The following TTC7B variants were observed in gnomAD, a reference collection of about 807,000 sequenced individuals.
TTC7B encodes the protein tetratricopeptide repeat protein 7B.
In TTC7B, 28 loss-of-function variants were observed where a neutral mutation model predicts 106.8. The ratio of observed to expected loss-of-function variants is 0.26; its 90% CI spans 0.19 to 0.36. TTC7B has a LOEUF of 0.36. Among genes scored for constraint, TTC7B ranks in the 10% least tolerant of loss-of-function variants. TTC7B has a pLI of 1.00. For synonymous variants in TTC7B, 405 were observed against 430.6 expected, an observed-to-expected ratio of 0.94 and a Z score of 0.74; for missense variants, 862 against 1,076.4, an observed-to-expected ratio of 0.80 and a Z score of 2.79.
At chr14:90,549,857 A>G (rs774699599) in intron 19 of TTC7B, among the ~76,000 whole-genome samples, 3 of 152,230 alleles carry the variant, frequency 2.0e-5, no homozygotes, top group Non-Finnish European at 2.9e-5. Context: ...GGCACTTAGC[A>G]GATCGCCCAG....
In TTC7B at chr14:90,806,530, G is replaced by A. The variant is rs115075870; in HGVS notation, c.121+9645C>T. Among the ~76,000 whole-genome samples the A allele has an allele frequency of 5.8e-3, 890 of 152,274 alleles. 15 individuals are homozygous for A. Among genetic ancestry groups the A allele is most frequent in the African/African-American group, 0.02 (831 of 41,562 alleles). ...TCCTACTTCCACACACAAGACTCCT[G>A]ACTCAGTCAGGCTGCTTTCAAATAA... On this transcript the variant is annotated intron_variant, in intron 1 of 19. Coordinates refer to ENST00000328459, the MANE Select transcript of TTC7B (RefSeq NM_001010854.2).
At position 90,541,402 on chromosome 14, in the gene TTC7B, G is replaced by A; in HGVS notation, c.2498C>T (p.Ala833Val). ...GCGGGGGATGATGGTGAAGGGCACG[G>A]CGGGGCTGCTGGCCTCCAGCTCCAA... ...TALELEASSP[A>V]VPFTIIPRVL Residue 833 changes from alanine to valine, a missense_variant, in exon 20 of 20, where the codon GCC becomes GTC. By Grantham distance (64) the Ala-to-Val change is moderately conservative. Coordinates refer to ENST00000328459, the MANE Select transcript of TTC7B (RefSeq NM_001010854.2). The A allele has an allele frequency of 6.2e-7, 1 of 1,610,002 alleles. No homozygotes were observed. Among genetic ancestry groups the A allele is most frequent in the Non-Finnish European group, 8.5e-7 (1 of 1,178,226 alleles).
rs1892843394 is a variant in TTC7B at position 90,610,856 on chromosome 14, C to G, written c.1869-17G>C. On this transcript the variant is annotated splice_polypyrimidine_tract_variant and intron_variant, in intron 16 of 19. Coordinates refer to ENST00000328459, the MANE Select transcript of TTC7B (RefSeq NM_001010854.2). ...CCAGAATCACTGCAAAACACAGCTA[C>G]AAATGTCAGTCACCTGCAAGGTGGG... 6.3e-7 allele frequency: 1 copy of G among 1,591,264 alleles called. No individual in the cohort carries two copies. The highest frequency in any genetic ancestry group is 1.7e-4 in the Middle Eastern group (1 of 6,018).
intron 19 of TTC7B, 136 bp from the exon 20 acceptor site, chr14:90,541,725 T>C: frequency 3.3e-6 from 2 of 600,354 alleles, no homozygotes; most frequent in Admixed American, 3.4e-5. Flanking sequence ...CATAGTAAGT[T>C]CTCCAGTATT....
rs1886029896 is a variant in TTC7B at position 90,658,193 on chromosome 14, T to C, written c.1236+111A>G. On this transcript the variant is annotated intron_variant, in intron 10 of 19. Coordinates refer to ENST00000328459, the MANE Select transcript of TTC7B (RefSeq NM_001010854.2). ...AACGGACCACGATAGTTTCTCAGAGTGGCTCGAAAGACTTCCACAAAGTCT... is the reference window on the plus strand; with the variant it reads ...AACGGACCACGATAGTTTCTCAGAGCGGCTCGAAAGACTTCCACAAAGTCT... The C allele has an allele frequency of 1.8e-5, 16 of 887,240 alleles. No individual in the cohort carries two copies. In the South Asian group the frequency reaches 2.3e-4, roughly 13 times the overall value. The allele number at this position is 887,240 out of a possible 1,614,324, so 55.0% of individuals were successfully genotyped here.
At chr14:90,723,559 C>A (rs776954631) in intron 5 of TTC7B, among the ~76,000 whole-genome samples, 1 of 152,130 alleles carries the variant, frequency 6.6e-6, no homozygotes, top group Non-Finnish European at 1.5e-5. Flanking sequence ...GGGTCAAGAC[C>A]TCTGCACATT....
chr14:90,605,936 A>G (rs146209279), intron 17 of TTC7B, among the ~76,000 whole-genome samples: 1 of 152,258 alleles, frequency 6.6e-6, no homozygotes, highest in African/African-American at 2.4e-5. Context: ...AAGAAAACAA[A>G]TTTGTTTTTC....
rs1432498363 is a variant in TTC7B, at chr14:90,805,315, G to A, written c.121+10860C>T. On this transcript the variant is annotated intron_variant, in intron 1 of 19. Coordinates refer to ENST00000328459, the MANE Select transcript of TTC7B (RefSeq NM_001010854.2). This position sits in a 1 kb window ranked among gnomAD's most constrained non-coding sequence, Gnocchi z 4.0. ...CTGTCACCCAGGGTAGTGTGCAGTG[G>A]CGCGATCTCGGCTCACTGCAACCTC... Among the ~76,000 whole-genome samples, 1 of 152,194 alleles carries A rather than the reference G, an allele frequency of 6.6e-6. No individual in the cohort carries two copies. The highest frequency in any genetic ancestry group is 1.5e-5 in the Non-Finnish European group (1 of 68,036).
intron 19 of TTC7B, among the ~76,000 whole-genome samples, chr14:90,553,471 T>C (rs188257055): frequency 1.3e-5 from 2 of 152,326 alleles, no homozygotes; most frequent in African/African-American, 4.8e-5. Flanking sequence ...CTGTCCCTCA[T>C]GGGCAGCACC....
At position 90,805,104 on chromosome 14, in the gene TTC7B, G is replaced by A. The variant is rs2030527816; in HGVS notation, c.121+11071C>T. 6.6e-6 allele frequency among the ~76,000 whole-genome samples: 1 copy of A among 152,058 alleles called. No individual in the cohort carries two copies. Among genetic ancestry groups the A allele is most frequent in the South Asian group, 2.1e-4 (1 of 4,800 alleles). On this transcript the variant is annotated intron_variant, in intron 1 of 19. Transcript: ENST00000328459. This position sits in a 1 kb window ranked among gnomAD's most constrained non-coding sequence, Gnocchi z 4.0. ...GTCTTCGGCGTGGGACCAGGTCTCGGGTGGACGCCCACAGCCACTCCCAGT... is the reference window on the plus strand; with the variant it reads ...GTCTTCGGCGTGGGACCAGGTCTCGAGTGGACGCCCACAGCCACTCCCAGT...
At chr14:90,551,247 G>A (rs1890069313) in intron 19 of TTC7B, among the ~76,000 whole-genome samples, 1 of 152,196 alleles carries the variant, frequency 6.6e-6, no homozygotes, top group South Asian at 2.1e-4. Context: ...GGAAAGCCTG[G>A]TGCAGGGCCT....
chr14:90,565,112 C>T (rs1224843156), intron 19 of TTC7B, among the ~76,000 whole-genome samples: 1 of 152,198 alleles, frequency 6.6e-6, no homozygotes, highest in Non-Finnish European at 1.5e-5. Context: ...CTCTCTCAGC[C>T]TTCAGAGAAC....
In TTC7B at chr14:90,760,186, GA is replaced by G. The variant is rs1890452640; in HGVS notation, c.446-15265del. Among the ~76,000 whole-genome samples, 3 of 152,294 alleles carry G rather than the reference GA, an allele frequency of 2.0e-5. No homozygotes were observed. In the South Asian group the frequency reaches 6.2e-4, roughly 32 times the overall value. On this transcript the variant is annotated intron_variant, in intron 3 of 19. Coordinates refer to ENST00000328459, the MANE Select transcript of TTC7B (RefSeq NM_001010854.2). ...CCAAGGGCGGACTCAGCACAGGGAA[GA>G]GATGACTCCCAGATGGATGGAGAAG...
chr14:90,810,476 G>A lies in TTC7B; in HGVS notation c.121+5699C>T, dbSNP rs141896881. ...GCTTGCTTCTGCCACTTGCTGGTTG[G>A]TGGCTTTAAGGAAGACATCTCCCTC... On this transcript the variant is annotated intron_variant, in intron 1 of 19. Coordinates refer to ENST00000328459, the MANE Select transcript of TTC7B (RefSeq NM_001010854.2). Among the ~76,000 whole-genome samples the A allele has an allele frequency of 4.7e-3, 715 of 152,328 alleles. 6 individuals carry two copies. The highest frequency in any genetic ancestry group is 7.8e-3 in the Non-Finnish European group (529 of 68,028).
At chr14:90,669,677 T>TAA (rs1886558221) in intron 9 of TTC7B, among the ~76,000 whole-genome samples, 1 of 152,170 alleles carries the variant, frequency 6.6e-6, no homozygotes, top group African/African-American at 2.4e-5. Flanking sequence ...CATAAAAAGA[T>TAA]GCTCAACATC....
chr14:90,645,400 G>A (rs751478820), intron 14 of TTC7B, among the ~76,000 whole-genome samples: 4 of 152,130 alleles, frequency 2.6e-5, no homozygotes, highest in East Asian at 1.9e-4. Context: ...CTGAAGTCCC[G>A]GGAGGTGAAA....
intron 19 of TTC7B, among the ~76,000 whole-genome samples, chr14:90,549,880 C>A (rs772388669): frequency 6.6e-6 from 1 of 152,080 alleles, no homozygotes; most frequent in African/African-American, 2.4e-5. Flanking sequence ...TATTTGTACG[C>A]CTTCAGTGGG....
chr14:90,583,653 G>A (rs764573256), intron 18 of TTC7B, among the ~76,000 whole-genome samples: 2 of 152,102 alleles, frequency 1.3e-5, no homozygotes, highest in Non-Finnish European at 2.9e-5. Flanking sequence ...GTCACTCTCT[G>A]AAGAGGTTCC....
chr14:90,735,597 G>A (rs1017534647), intron 4 of TTC7B, among the ~76,000 whole-genome samples: 3 of 152,070 alleles, frequency 2.0e-5, no homozygotes, highest in Non-Finnish European at 2.9e-5. Context: ...AGTGGCTCAC[G>A]CCTGTAATCT....
Sources: gnomAD v4.1 joint callset for allele counts (sites outside exome capture counted in the v4.1 genomes callset) on GRCh38, gnomAD v4.1.1 for gene constraint, Gnocchi (gnomAD v3.1) non-coding constraint, MANE v1.5 for transcripts, NCBI Gene and HGNC (gene_info 2026-07-23, HGNC 2026-07-21) for gene names.